CLIC5: variants seen among roughly 807,000 people sequenced by gnomAD.
The protein encoded by CLIC5 is CLIC family member 5.
Under a neutral mutation model 24.7 loss-of-function variants are expected in CLIC5, and 20 were observed. That is an observed-to-expected ratio of 0.81 (90% CI 0.57 to 1.18). The LOEUF (loss-of-function observed/expected upper bound fraction) is 1.18, where lower values mean the gene tolerates loss of function less well. CLIC5 is among the 50% of genes most tolerant of loss of function. The probability of loss-of-function intolerance (pLI) is 0.00; values close to 1 mark genes in which losing one functional copy is unlikely to be tolerated. For missense variants in CLIC5, 341 were observed against 326.1 expected (o/e 1.05, Z -0.35); for synonymous variants, 159 against 135.6 (o/e 1.17, Z -1.20).
chr6:46,007,522 C>T (rs1190800323), intron 1 of CLIC5, among the ~76,000 whole-genome samples: 1 of 152,214 alleles, frequency 6.6e-6, no homozygotes, highest in African/African-American at 2.4e-5. Flanking sequence ...TTTGGACTCA[C>T]TTGGCCTCCT....
At chr6:46,032,981 ATTTTTTTT>A (rs35845581) in intron 1 of CLIC5, among the ~76,000 whole-genome samples, 7 of 79,034 alleles carry the variant, frequency 8.9e-5, no homozygotes, top group South Asian at 4.9e-4. Context: ...GGAAATCTAC[ATTTTTTTT>A]TTTTTTTTTT....
Position 46,035,191 on chromosome 6 carries a change from C to T in CLIC5, c.540+44512G>A, listed in dbSNP as rs75010929. 3.2e-3 allele frequency among the ~76,000 whole-genome samples: 488 copies of T among 152,194 alleles called. 1 individual carries two copies. The highest frequency in any genetic ancestry group is 5.2e-3 in the Admixed American group (80 of 15,292). ...AGTTTCAAAGTATCAATGGCAAAAC[C>T]AGGCCAGGAACTCAGGCTTCCTGCC... On this transcript the variant is annotated intron_variant, in intron 1 of 5. Coordinates refer to the CLIC5 transcript ENST00000185206.
rs1277669242 is a variant in CLIC5, at chr6:45,933,064, C to G, written c.406+8483G>C. 3.3e-5 allele frequency among the ~76,000 whole-genome samples: 5 copies of G among 152,156 alleles called. No individual in the cohort carries two copies. In the East Asian group the frequency reaches 9.6e-4, roughly 29 times the overall value. ...CTTCTTCCATTCTATGTGGCAGGGACAATCAATTTTTCCAGAATAAGCCCA... is the reference window on the plus strand; with the variant it reads ...CTTCTTCCATTCTATGTGGCAGGGAGAATCAATTTTTCCAGAATAAGCCCA... On this transcript the variant is annotated intron_variant, in intron 4 of 5. Transcript: ENST00000339561.
the CLIC5 span, among the ~76,000 whole-genome samples, chr6:46,112,863 C>T: frequency 6.6e-6 from 1 of 152,246 alleles, no homozygotes; most frequent in East Asian, 1.9e-4. Flanking sequence ...TTGAGAACAG[C>T]CTGGCCAACA....
At chr6:45,928,882 C>T (rs995701571) in intron 4 of CLIC5, among the ~76,000 whole-genome samples, 3 of 151,954 alleles carry the variant, frequency 2.0e-5, no homozygotes, top group Non-Finnish European at 4.4e-5. Flanking sequence ...GATGAGGTAA[C>T]GGTAGGAAGA....
intron 1 of CLIC5, among the ~76,000 whole-genome samples, chr6:46,064,508 C>A (rs1177359077): frequency 6.6e-6 from 1 of 152,040 alleles, no homozygotes; most frequent in East Asian, 1.9e-4. Flanking sequence ...AAATATTTAA[C>A]AAAATTGTAG....
intron 5 of CLIC5, among the ~76,000 whole-genome samples, chr6:45,911,426 A>G (rs1762814213): frequency 1.3e-5 from 2 of 152,148 alleles, no homozygotes; most frequent in African/African-American, 4.8e-5. Flanking sequence ...TCACTGAAAG[A>G]TGATGATCCC....
intron 1 of CLIC5, among the ~76,000 whole-genome samples, chr6:46,021,653 C>T (rs1767187467): frequency 1.3e-5 from 2 of 152,156 alleles, no homozygotes; most frequent in East Asian, 3.9e-4. Context: ...TCTCAAATGC[C>T]CCATATTAAG....
chr6:46,015,408 C>G (rs1766964065), intron 1 of CLIC5, 72 bp downstream of exon 1: 1 of 1,408,832 alleles, frequency 7.1e-7, no homozygotes, highest in Non-Finnish European at 9.4e-7. Flanking sequence ...GAGTCCAGCG[C>G]ACCCCGAGCC....
intron 1 of CLIC5, among the ~76,000 whole-genome samples, chr6:46,079,092 C>A (rs960999605): frequency 1.3e-5 from 2 of 152,094 alleles, no homozygotes; most frequent in Non-Finnish European, 2.9e-5. Flanking sequence ...TATTTATAAC[C>A]ATAACTTTAT....
intron 1 of CLIC5, among the ~76,000 whole-genome samples, chr6:46,008,077 A>C (rs1331386940): frequency 6.6e-6 from 1 of 152,044 alleles, no homozygotes; most frequent in African/African-American, 2.4e-5. Flanking sequence ...CCAGCTATCA[A>C]TCTTTCTAAA....
intron 1 of CLIC5, among the ~76,000 whole-genome samples, chr6:46,004,321 A>G (rs1766463345): frequency 6.6e-6 from 1 of 152,214 alleles, no homozygotes; most frequent in Non-Finnish European, 1.5e-5. Context: ...CAGCACAGTT[A>G]GATGACACTT....
At chr6:46,016,159 A>G (rs868581562), upstream of CLIC5, among the ~76,000 whole-genome samples, 89 of 93,920 alleles carry the variant, frequency 9.5e-4, 3 homozygotes, top group South Asian at 0.035. Flanking sequence ...GAAGGGGAAG[A>G]GGAAGGGGAA....
intron 4 of CLIC5, chr6:45,920,531 C>A (rs1013516180): frequency 2.0e-5 from 7 of 342,640 alleles, no homozygotes; most frequent in Non-Finnish European, 2.9e-5. Context: ...CTCTGGCCAT[C>A]ACATATTTTT....
In CLIC5 at chr6:46,024,546, G is replaced by C. The variant is rs190169414; in HGVS notation, c.540+55157C>G. Among the ~76,000 whole-genome samples, 7 of 152,294 alleles carry C rather than the reference G, an allele frequency of 4.6e-5. No homozygotes were observed. In the East Asian group the frequency reaches 1.3e-3, roughly 29 times the overall value. On this transcript the variant is annotated intron_variant, in intron 1 of 5. Coordinates refer to the CLIC5 transcript ENST00000185206. ...AGTAAAGCCAACAGAGAGAAAACAAGAGCCAAGATACATAGAGAGGAAGCC... is the reference window on the plus strand; with the variant it reads ...AGTAAAGCCAACAGAGAGAAAACAACAGCCAAGATACATAGAGAGGAAGCC...
intron 3 of CLIC5, among the ~76,000 whole-genome samples, chr6:45,942,036 C>G (rs529980512): frequency 2.6e-4 from 39 of 152,162 alleles, no homozygotes; most frequent in Non-Finnish European, 4.7e-4. Context: ...TTCCCTTACC[C>G]GCTAAAATAA....
chr6:45,942,306 C>G (rs370734596), intron 3 of CLIC5, among the ~76,000 whole-genome samples: 1 of 151,738 alleles, frequency 6.6e-6, no homozygotes, highest in Non-Finnish European at 1.5e-5. Context: ...TCCAGCCCCC[C>G]TCTCTCTCTC....
chr6:46,079,731 A>G (rs543753653), exon 1 of CLIC5: 1 of 1,551,736 alleles, frequency 6.4e-7, no homozygotes, highest in African/African-American at 1.4e-5. Context: ...CTCAGGGTTC[A>G]TGTGAGCTCC....
chr6:45,919,058 G>A (rs1208345538), intron 4 of CLIC5: 1 of 985,274 alleles, frequency 1.0e-6, no homozygotes, highest in Non-Finnish European at 1.2e-6. Context: ...TTCCTTACAA[G>A]CTCCTAACCT....
Sources: allele counts gnomAD v4.1 joint callset (sites outside exome capture counted in the v4.1 genomes callset), GRCh38; gene constraint gnomAD v4.1.1; transcripts MANE v1.5; gene names NCBI Gene and HGNC (gene_info 2026-07-23, HGNC 2026-07-21).